Variants in INVS observed in about 807,000 individuals in gnomAD.
The protein encoded by INVS is inversion of embryo turning homolog.
INVS carries 86 observed loss-of-function variants against 108.8 expected under a neutral mutation model. The observed-to-expected ratio is 0.79, with a 90% confidence interval of 0.66 to 0.95. The LOEUF (loss-of-function observed/expected upper bound fraction) is 0.95. Ranked by LOEUF, INVS falls within the 40% of genes least tolerant of loss-of-function variation. The probability of loss-of-function intolerance (pLI) is 0.00; values close to 1 mark genes in which losing one functional copy is unlikely to be tolerated. For synonymous variants in INVS, 455 were observed against 473.5 expected (o/e 0.96, Z 0.51); for missense variants, 1,169 against 1,297.4 (o/e 0.90, Z 1.52).
At chr9:100,187,236 A>G (rs1438446320) in intron 3 of INVS, among the ~76,000 whole-genome samples, 1 of 152,098 alleles carries the variant, frequency 6.6e-6, no homozygotes, top group Non-Finnish European at 1.5e-5. Flanking sequence ...TACCAGTACC[A>G]TGTTGTTTTA....
At chr9:100,122,660 T>G (rs1471603010) in intron 2 of INVS, among the ~76,000 whole-genome samples, 2 of 138,836 alleles carry the variant, frequency 1.4e-5, no homozygotes, top group South Asian at 2.5e-4. Flanking sequence ...TTCGGCTTAC[T>G]GCAAGCTCCG....
intron 3 of INVS, among the ~76,000 whole-genome samples, chr9:100,169,978 A>T (rs2209081): frequency 0.25 from 38,764 of 152,100 alleles, 5,199 homozygotes; most frequent in South Asian, 0.35. Context: ...CAAATGTTTC[A>T]TTAAGTTCTT....
intron 11 of INVS, among the ~76,000 whole-genome samples, chr9:100,269,692 C>CT (rs1180446528): frequency 2.0e-5 from 3 of 152,040 alleles, no homozygotes; most frequent in African/African-American, 7.2e-5. Flanking sequence ...TATAATCATC[C>CT]TTTTTTCTGC....
intron 3 of INVS, among the ~76,000 whole-genome samples, chr9:100,183,944 AATAC>A (rs1418154365): frequency 6.6e-6 from 1 of 152,084 alleles, no homozygotes; most frequent in Non-Finnish European, 1.5e-5. Flanking sequence ...ATATAGGTAT[AATAC>A]ATATATATGA....
At chr9:100,218,388 G>A (rs529056063) in intron 3 of INVS, among the ~76,000 whole-genome samples, 1 of 152,154 alleles carries the variant, frequency 6.6e-6, no homozygotes, top group Admixed American at 6.6e-5. Context: ...AAGGGCCACC[G>A]TAGGCAGTTT....
In INVS at chr9:100,162,861, G is replaced by A. The variant is rs577635476; in HGVS notation, c.273+36312G>A. On this transcript the variant is annotated intron_variant, in intron 3 of 16. Transcript: ENST00000262457. ...AAAAGTCACCTTCTGAGTTTGGCAA[G>A]GACCCAGCCTTCTCTGAAGGACATA... Among the ~76,000 whole-genome samples the A allele has an allele frequency of 7.9e-5, 12 of 151,506 alleles. 1 individual carries two copies. In the South Asian group the frequency reaches 2.5e-3, roughly 31 times the overall value.
chr9:100,280,718 T>C (rs1018990482), intron 12 of INVS, among the ~76,000 whole-genome samples: 66 of 152,238 alleles, frequency 4.3e-4, no homozygotes, highest in Non-Finnish European at 1.8e-4. Flanking sequence ...TGACATTTCA[T>C]CATAACTTAA....
At chr9:100,182,864 T>A (rs1829937880) in intron 3 of INVS, among the ~76,000 whole-genome samples, 1 of 152,174 alleles carries the variant, frequency 6.6e-6, no homozygotes, top group Middle Eastern at 3.4e-3. Context: ...CAATAAGACT[T>A]GGAACCAACC....
intron 3 of INVS, among the ~76,000 whole-genome samples, chr9:100,211,089 A>G (rs1830818055): frequency 6.6e-6 from 1 of 152,122 alleles, no homozygotes; most frequent in Non-Finnish European, 1.5e-5. Context: ...ATGTGTTTTC[A>G]AGCCCTCCAG....
At chr9:100,172,230 A>G (rs201111922) in intron 3 of INVS, among the ~76,000 whole-genome samples, 3 of 152,290 alleles carry the variant, frequency 2.0e-5, no homozygotes, top group East Asian at 1.9e-4. Flanking sequence ...TTATTATCCC[A>G]TAATTATTCA....
intron 3 of INVS, among the ~76,000 whole-genome samples, chr9:100,187,674 G>A (rs900036945): frequency 1.3e-5 from 2 of 151,740 alleles, no homozygotes; most frequent in Admixed American, 1.3e-4. Context: ...TTACAGATGT[G>A]TGCCACCACA....
rs116188920 is a variant in INVS, at chr9:100,293,042, A to G, written c.2785A>G (p.Ser929Gly). The change falls in exon 14 of 17, where the codon AGC (serine) becomes GGC (glycine). Residue 929 changes from serine (S) to glycine (G), a missense_variant and splice_region_variant. Around this residue, in one of 3 missense-constraint regions of INVS, gnomAD observed 533 missense variants for 536.0 expected, o/e 0.99. Transcript: ENST00000262457. ...AAAVIQRAWR[S>G]YQLRKHLSHL... is the part of the protein sequence containing the mutation. ...AGCAGTCATCCAGCGCGCCTGGCGA[A>G]GGTAGGAAAATGGGGTGCTGCCGCA... 7.1e-5 allele frequency: 114 copies of G among 1,613,138 alleles called. No individual in the cohort carries two copies. The African/African-American group carries it at 1.4e-3, about 20-fold the overall frequency.
intron 3 of INVS, among the ~76,000 whole-genome samples, chr9:100,201,150 T>G (rs1486018135): frequency 1.3e-5 from 2 of 152,192 alleles, no homozygotes; most frequent in African/African-American, 2.4e-5. Context: ...CTGCATTGGT[T>G]CTCCTTGCCC....
intron 13 of INVS, among the ~76,000 whole-genome samples, chr9:100,289,519 C>A (rs1833547721): frequency 6.6e-6 from 1 of 152,238 alleles, no homozygotes; most frequent in Admixed American, 6.5e-5. Flanking sequence ...CCATGGGCTA[C>A]CTGGGCAGTT....
At chr9:100,256,569 C>T (rs1461810068) in intron 10 of INVS, among the ~76,000 whole-genome samples, 1 of 152,146 alleles carries the variant, frequency 6.6e-6, no homozygotes, top group South Asian at 2.1e-4. Flanking sequence ...ATAAATTTCC[C>T]TTTACACAGT....
rs1564172929 is a variant in INVS at position 100,242,694 on chromosome 9, A to G, written c.906+15A>G. ...GTAACTTTGCTGTAAGTAAAACAAG[A>G]CAATGCTCTTTTTTCTTAGTGAAAA... On this transcript the variant is annotated intron_variant, in intron 7 of 16. Coordinates refer to ENST00000262457, the MANE Select transcript of INVS (RefSeq NM_014425.5). The G allele has an allele frequency of 7.2e-7, 1 of 1,386,040 alleles. No individual in the cohort carries two copies. Among genetic ancestry groups the G allele is most frequent in the African/African-American group, 1.4e-5 (1 of 70,440 alleles). 85.9% of individuals were successfully genotyped at this position (1,386,040 alleles called of 1,614,324 possible).
At chr9:100,223,046 CTAA>C (rs965930662) in intron 3 of INVS, among the ~76,000 whole-genome samples, 3 of 151,624 alleles carry the variant, frequency 2.0e-5, no homozygotes, top group Admixed American at 2.0e-4. Flanking sequence ...CTGTTATGAT[CTAA>C]TATAGCAACT....
intron 7 of INVS, among the ~76,000 whole-genome samples, chr9:100,245,337 T>C (rs1373462294): frequency 1.3e-5 from 2 of 152,208 alleles, no homozygotes; most frequent in African/African-American, 2.4e-5. Flanking sequence ...TGGAGTGCAA[T>C]GATGCAATCT....
intron 3 of INVS, among the ~76,000 whole-genome samples, chr9:100,178,588 GA>G (rs1049104921): frequency 2.6e-4 from 39 of 152,024 alleles, no homozygotes; most frequent in African/African-American, 9.2e-4. Context: ...CAAGATTAGA[GA>G]AAAAAAGAAT....
Sources: gnomAD v4.1 joint callset for allele counts (sites outside exome capture counted in the v4.1 genomes callset) on GRCh38, gnomAD v4.1.1 for gene constraint, gnomAD v4.1.1 regional missense constraint, MANE v1.5 for transcripts, NCBI Gene and HGNC (gene_info 2026-07-23, HGNC 2026-07-21) for gene names.